CNTNAP3: variants seen among roughly 807,000 people sequenced by gnomAD.
CNTNAP3 encodes contactin associated protein family member 3.
Under a neutral mutation model 92.1 loss-of-function variants are expected in CNTNAP3, and 36 were observed. The ratio of observed to expected loss-of-function variants is 0.39; its 90% confidence interval spans 0.30 to 0.52. The LOEUF (loss-of-function observed/expected upper bound fraction) is 0.52. Ranked by LOEUF, CNTNAP3 falls within the 20% of genes least tolerant of loss-of-function variation. The probability of loss-of-function intolerance (pLI) is 0.76; values close to 1 mark genes in which losing one functional copy is unlikely to be tolerated. For synonymous variants in CNTNAP3, 232 were observed against 422.3 expected (o/e 0.55, Z 5.53); for missense variants, 534 against 1,069.6 (o/e 0.50, Z 6.98).
chr9:39,162,134 C>A (rs1381358577), intron 9 of CNTNAP3, among the ~76,000 whole-genome samples: 3 of 83,970 alleles, frequency 3.6e-5, no homozygotes, highest in Admixed American at 2.5e-4. Flanking sequence ...AGGAACTTAA[C>A]AAGAAAGAAA....
At chr9:39,089,044 T>C (rs1282841008) in intron 18 of CNTNAP3, among the ~76,000 whole-genome samples, 2 of 152,214 alleles carry the variant, frequency 1.3e-5, no homozygotes, top group African/African-American at 4.8e-5. Flanking sequence ...CCATATGCCA[T>C]GTAATAGACC....
intron 3 of CNTNAP3, among the ~76,000 whole-genome samples, chr9:39,204,984 T>C (rs1202451295): frequency 1.2e-5 from 1 of 82,906 alleles, no homozygotes; most frequent in Non-Finnish European, 2.0e-5. Context: ...ATCATCATCA[T>C]CATCATCATC....
At chr9:39,144,111 A>G in intron 11 of CNTNAP3, 129 bp downstream of exon 11, 1 of 1,411,948 alleles carries the variant, frequency 7.1e-7, no homozygotes, top group South Asian at 1.6e-5. Context: ...GTAAACTAGA[A>G]ATTGAGTGCT....
At chr9:39,132,508 T>C (rs1460160302) in intron 13 of CNTNAP3, among the ~76,000 whole-genome samples, 1 of 152,090 alleles carries the variant, frequency 6.6e-6, no homozygotes, top group Non-Finnish European at 1.5e-5. Flanking sequence ...ATTCAGTTAA[T>C]CTAAAGGGAG....
intron 12 of CNTNAP3, among the ~76,000 whole-genome samples, chr9:39,134,093 T>C (rs926837047): frequency 2.6e-5 from 4 of 152,186 alleles, no homozygotes; most frequent in African/African-American, 7.2e-5. Flanking sequence ...GCTTGGCTGC[T>C]AACTGTGCGT....
chr9:39,113,252 T>C (rs1820753577), intron 14 of CNTNAP3, among the ~76,000 whole-genome samples: 1 of 152,166 alleles, frequency 6.6e-6, no homozygotes, highest in African/African-American at 2.4e-5. Context: ...TACTGAGTCA[T>C]ACTATCCACG....
Position 39,068,195 on chromosome 9 carries a change from C to G in CNTNAP3, c.*5695G>C, listed in dbSNP as rs1385912497. 6.6e-6 allele frequency among the ~76,000 whole-genome samples: 1 copy of G among 151,956 alleles called. No homozygotes were observed. Among genetic ancestry groups the G allele is most frequent in the African/African-American group, 2.4e-5 (1 of 41,314 alleles). On this transcript the variant is annotated 3_prime_UTR_variant, in exon 24 of 24. Coordinates refer to ENST00000297668, the MANE Select transcript of CNTNAP3 (RefSeq NM_033655.5). ...TGGGCAGATCATGAGATCCAGAGAT[C>G]GAGACCATCCTGGCTAACACGGTGA...
intron 14 of CNTNAP3, among the ~76,000 whole-genome samples, chr9:39,115,291 C>T (rs867897522): frequency 0.023 from 3,478 of 151,432 alleles, 144 homozygotes; most frequent in African/African-American, 0.079. Flanking sequence ...ACCAGGAAAA[C>T]CTTACTAGGC....
chr9:39,147,115 G>A (rs181915218), intron 10 of CNTNAP3, among the ~76,000 whole-genome samples: 31 of 152,276 alleles, frequency 2.0e-4, no homozygotes, highest in Middle Eastern at 3.4e-3. Flanking sequence ...CATGTAAGAC[G>A]TGTCTTGATT....
intron 13 of CNTNAP3, among the ~76,000 whole-genome samples, chr9:39,124,305 G>A (rs1821105843): frequency 6.6e-6 from 1 of 152,222 alleles, no homozygotes; most frequent in East Asian, 1.9e-4. Context: ...TAGGAGAAGT[G>A]AGGATATGGA....
intron 18 of CNTNAP3, among the ~76,000 whole-genome samples, chr9:39,094,151 G>A (rs1355380726): frequency 2.0e-5 from 3 of 151,360 alleles, no homozygotes; most frequent in African/African-American, 4.8e-5. Context: ...CTTTCCATGT[G>A]ATTATTGACT....
intron 18 of CNTNAP3, among the ~76,000 whole-genome samples, chr9:39,090,191 G>A (rs1826160033): frequency 6.6e-6 from 1 of 152,190 alleles, no homozygotes; most frequent in South Asian, 2.1e-4. Flanking sequence ...TGCCCACCTC[G>A]GCCTCCCAAA....
intron 23 of CNTNAP3, among the ~76,000 whole-genome samples, chr9:39,077,591 CA>C (rs1166148662): frequency 9.8e-5 from 12 of 121,906 alleles, no homozygotes; most frequent in African/African-American, 4.1e-4. Flanking sequence ...AACAAACAAA[CA>C]AAAAACTTCT....
chr9:39,083,831 G>A (rs1397215630), intron 21 of CNTNAP3, among the ~76,000 whole-genome samples: 1 of 151,820 alleles, frequency 6.6e-6, no homozygotes, highest in Admixed American at 6.5e-5. Flanking sequence ...AAAATTCAAA[G>A]CTATATAGAA....
In CNTNAP3 at chr9:39,100,151, C is replaced by A. The variant is rs1350099200; in HGVS notation, c.2756-1G>T. On this transcript the variant is annotated splice_acceptor_variant, in intron 17 of 23. Coordinates refer to ENST00000297668, the MANE Select transcript of CNTNAP3 (RefSeq NM_033655.5). LOFTEE classifies it high-confidence loss of function. ...CCTCTCTGTCTGGTGGCCGTTCCAC[C>A]TACAACGGAAACACTGCAAATAGAA... 4 of 1,577,768 alleles carry A rather than the reference C, an allele frequency of 2.5e-6. No individual in the cohort carries two copies.
intron 12 of CNTNAP3, among the ~76,000 whole-genome samples, chr9:39,138,136 C>A (rs1821487326): frequency 2.6e-5 from 4 of 151,992 alleles, no homozygotes; most frequent in Non-Finnish European, 5.9e-5. Context: ...GCTATCTTCC[C>A]TCCTCAGCTT....
At chr9:39,077,845 T>C (rs1054949999) in intron 23 of CNTNAP3, among the ~76,000 whole-genome samples, 1 of 152,152 alleles carries the variant, frequency 6.6e-6, no homozygotes, top group African/African-American at 2.4e-5. Flanking sequence ...CAAAAAAAAT[T>C]GTTTCGGCAG....
rs1825645833 is a variant in CNTNAP3, at chr9:39,072,193, G to A, written c.*1697C>T. On this transcript the variant is annotated 3_prime_UTR_variant, in exon 24 of 24. Transcript: ENST00000297668. Reference sequence around the variant, plus strand: ...TGAGAAGAGATCATTTGTTAAGAGCGGATTTAAGACAGAGAGTGTATTCAT... The same window carrying A: ...TGAGAAGAGATCATTTGTTAAGAGCAGATTTAAGACAGAGAGTGTATTCAT... Among the ~76,000 whole-genome samples, 3 of 114,800 alleles carry A rather than the reference G, an allele frequency of 2.6e-5. No individual in the cohort carries two copies. Among genetic ancestry groups the A allele is most frequent in the Non-Finnish European group, 5.1e-5 (3 of 59,058 alleles). 75.3% of individuals were successfully genotyped at this position (114,800 alleles called of 152,430 possible). A position where few individuals can be genotyped will look rare whatever the true frequency, so the allele number is the denominator to read the frequency against.
intron 10 of CNTNAP3, among the ~76,000 whole-genome samples, chr9:39,148,604 C>A (rs1417028272): frequency 2.6e-5 from 4 of 151,140 alleles, no homozygotes; most frequent in African/African-American, 9.7e-5. Context: ...TCATTCACTG[C>A]AAGCTCCGCC....
Sources: gnomAD v4.1 joint callset for allele counts (sites outside exome capture counted in the v4.1 genomes callset) on GRCh38, gnomAD v4.1.1 for gene constraint, MANE v1.5 for transcripts, NCBI Gene and HGNC (gene_info 2026-07-23, HGNC 2026-07-21) for gene names.